GCN1: variants seen among roughly 807,000 people sequenced by gnomAD.
The protein encoded by GCN1 is stalled ribosome sensor GCN1.
GCN1 carries 90 observed loss-of-function variants against 288.4 expected under a neutral mutation model. The observed-to-expected ratio is 0.31, with a 90% CI of 0.26 to 0.37. The LOEUF is 0.37. Among genes scored for constraint, GCN1 ranks in the 10% least tolerant of loss-of-function variants. GCN1 has a pLI of 1.00. For synonymous variants in GCN1, 1,386 were observed against 1,420.2 expected, an observed-to-expected ratio of 0.98 and a Z score of 0.54; for missense variants, 2,586 against 3,419.9, an observed-to-expected ratio of 0.76 and a Z score of 6.08.
chr12:120,134,843 A>G lies in GCN1; in HGVS notation c.7009-117T>C. The stretch of plus-strand genomic sequence containing the variant: ...CCACCACAGCGAGTCCAGCTCTCAT[A>G]CAGGGCTGGGGACAGATAGCCCGTC... On this transcript the variant is annotated intron_variant, in intron 51 of 57. Transcript: ENST00000300648. This position sits in a 1 kb window ranked among gnomAD's most constrained non-coding sequence, Gnocchi z 5.0. 1 of 864,018 alleles carries G rather than the reference A, an allele frequency of 1.2e-6. No individual in the cohort carries two copies. The highest frequency in any genetic ancestry group is 1.9e-6 in the Non-Finnish European group (1 of 536,764). The allele number at this position is 864,018 out of a possible 1,614,324, so 53.5% of individuals were successfully genotyped here.
rs374701506 is a variant in GCN1 at position 120,154,897 on chromosome 12, C to T, written c.3701+73G>A. On this transcript the variant is annotated intron_variant, in intron 31 of 57. Coordinates refer to ENST00000300648, the MANE Select transcript of GCN1 (RefSeq NM_006836.2). Reference sequence around the variant, plus strand: ...CTTTCATTAACCCATGCTGCCTCCTCACAGCACCCACCCAGCCAACCTGCC... The same window carrying T: ...CTTTCATTAACCCATGCTGCCTCCTTACAGCACCCACCCAGCCAACCTGCC... 6 of 1,384,068 alleles carry T rather than the reference C, an allele frequency of 4.3e-6. No homozygotes were observed. In the African/African-American group the frequency reaches 7.1e-5, roughly 16 times the overall value. 85.7% of individuals were successfully genotyped at this position (1,384,068 alleles called of 1,614,324 possible).
In GCN1 at chr12:120,190,224, CAAAAAAAAAAAA is replaced by C; in HGVS notation, c.121+62_121+73del. 9 of 571,246 alleles carry C rather than the reference CAAAAAAAAAAAA, an allele frequency of 1.6e-5. No homozygotes were observed. In the South Asian group the frequency reaches 1.8e-4, roughly 12 times the overall value. The allele number at this position is 571,246 out of a possible 1,614,324, so 35.4% of individuals were successfully genotyped here. ...AGGGCAACAGTGAGAGACTCTGTCT[CAAAAAAAAAAAA>C]AAAAAAGAAAGAAAGAAAAACAATG... On this transcript the variant is annotated intron_variant, in intron 2 of 57. Coordinates refer to ENST00000300648, the MANE Select transcript of GCN1 (RefSeq NM_006836.2).
In GCN1 at chr12:120,134,330, GT is replaced by G; in HGVS notation, c.7277del (p.Asn2426ThrfsTer7). ...GAKVDAVIRK[N>X]IVSLLLSMLG... ...GCATGCTCAGCAGGAGTGAGACGAT[GT>G]TTTTCCGGATGACGGCATCCACTTT... On this transcript the variant is annotated frameshift_variant, in exon 53 of 58. Transcript: ENST00000300648. LOFTEE classifies it high-confidence loss of function. The surrounding 1 kb of genome is among the most constrained non-coding windows in gnomAD (Gnocchi z 5.0). The G allele has an allele frequency of 6.2e-7, 1 of 1,614,060 alleles. No individual in the cohort carries two copies.
chr12:120,144,435 T>C lies in GCN1; in HGVS notation c.5366A>G (p.Glu1789Gly). 1 of 1,613,576 alleles carries C rather than the reference T, an allele frequency of 6.2e-7. No individual in the cohort carries two copies. The highest frequency in any genetic ancestry group is 8.5e-7 in the Non-Finnish European group (1 of 1,179,626). ...GGCGGTGTCACGCACAAACTCATTCTCATCAGCAAGAGCCTGGGCACACAG... is the reference window on the plus strand; with the variant it reads ...GGCGGTGTCACGCACAAACTCATTCCCATCAGCAAGAGCCTGGGCACACAG... ...IPCILKALAD[E>G]NEFVRDTALR... Residue 1789 changes from glutamate (E) to glycine (G), a missense_variant, in exon 42 of 58, where the codon GAG becomes GGG. Physicochemically the swap from Glu to Gly is moderately conservative, Grantham distance 98. Coordinates refer to ENST00000300648, the MANE Select transcript of GCN1 (RefSeq NM_006836.2). The surrounding 1 kb of genome is among the most constrained non-coding windows in gnomAD (Gnocchi z 4.7).
chr12:120,137,617 C>G lies in GCN1; in HGVS notation c.6591G>C (p.Leu2197=), dbSNP rs926472268. 6.2e-7 allele frequency: 1 copy of G among 1,614,214 alleles called. No homozygotes were observed. Among genetic ancestry groups the G allele is most frequent in the Admixed American group, 1.7e-5 (1 of 60,014 alleles). Residue 2197 remains leucine (L), a synonymous_variant, in exon 49 of 58, where the codon CTG becomes CTC. Transcript: ENST00000300648. This position sits in a 1 kb window ranked among gnomAD's most constrained non-coding sequence, Gnocchi z 5.2. ...GGCTGGAGTCATTGAAGAGGCGGAT[C>G]AGGCCCGAGACCAGGCTCCGCAGGT... ...TSHLRSLVSG[L]IRLFNDSSPV...
At position 120,161,898 on chromosome 12, in the gene GCN1, T is replaced by C; in HGVS notation, c.2324A>G (p.Asp775Gly). Reference protein sequence around the residue: ...IMQTPAGELYDKSIIQSAQQD... With the variant: ...IMQTPAGELYGKSIIQSAQQD... ...GTCTCACCTCTGAATGATGGATTTG[T>C]CATACAGCTCCCCAGCAGGGGTCTG... The change falls in exon 21 of 58, where the codon GAC becomes GGC. Residue 775 changes from aspartate (D) to glycine (G), a missense_variant. Around this residue, in one of 8 missense-constraint regions of GCN1, gnomAD observed 913 missense variants for 1,107.0 expected, o/e 0.82. Coordinates refer to ENST00000300648, the MANE Select transcript of GCN1 (RefSeq NM_006836.2). The C allele has an allele frequency of 6.2e-7, 1 of 1,614,086 alleles. No homozygotes were observed. Among genetic ancestry groups the C allele is most frequent in the South Asian group, 1.1e-5 (1 of 91,072 alleles).
intron 45 of GCN1, 62 bp from the exon 46 acceptor site, chr12:120,138,918 C>G: frequency 6.8e-7 from 1 of 1,469,812 alleles, no homozygotes. Flanking sequence ...CAGAAGCAGA[C>G]AAGAAGCACA....
chr12:120,170,980 T>C (rs1268605713), intron 14 of GCN1, among the ~76,000 whole-genome samples: 2 of 147,158 alleles, frequency 1.4e-5, no homozygotes, highest in Admixed American at 6.8e-5. Context: ...ACCAATATGG[T>C]GAAACCCTGT....
chr12:120,139,070 G>A, intron 45 of GCN1: 2 of 371,414 alleles, frequency 5.4e-6, no homozygotes, highest in Non-Finnish European at 9.8e-6. Flanking sequence ...AGCACTTTGG[G>A]AGGCCAAGGT....
intron 33 of GCN1, among the ~76,000 whole-genome samples, chr12:120,152,327 C>A (rs1339785442): frequency 1.3e-5 from 2 of 150,260 alleles, no homozygotes; most frequent in African/African-American, 4.9e-5. Flanking sequence ...CCACGCCCAG[C>A]CCAACTGTTC....
chr12:120,137,589 C>T lies in GCN1; in HGVS notation c.6619G>A (p.Val2207Met). The change falls in exon 49 of 58, where the codon GTG becomes ATG. Residue 2207 changes from valine (V) to methionine (M), a missense_variant. Coordinates refer to ENST00000300648, the MANE Select transcript of GCN1 (RefSeq NM_006836.2). This position sits in a 1 kb window ranked among gnomAD's most constrained non-coding sequence, Gnocchi z 5.2. ...LIRLFNDSSP[V>M]VLEESWDALN... ...GCATCCCAGCTCTCCTCCAGAACCA[C>T]AGGGCTGGAGTCATTGAAGAGGCGG... 6.2e-7 allele frequency: 1 copy of T among 1,614,116 alleles called. No individual in the cohort carries two copies. The highest frequency in any genetic ancestry group is 8.5e-7 in the Non-Finnish European group (1 of 1,179,962).
chr12:120,169,900 T>A (rs1331077077), intron 15 of GCN1, among the ~76,000 whole-genome samples: 3 of 152,112 alleles, frequency 2.0e-5, no homozygotes, highest in African/African-American at 7.2e-5. Context: ...AAACAAACAG[T>A]CCCAATACTA....
rs7135057 is a variant in GCN1, at chr12:120,137,596, G to A, written c.6612C>T (p.Ser2204=). The part of the protein sequence containing the change: ...VSGLIRLFND[S]SPVVLEESWD... ...AGCTCTCCTCCAGAACCACAGGGCT[G>A]GAGTCATTGAAGAGGCGGATCAGGC... Residue 2204 remains serine, a synonymous_variant, in exon 49 of 58, where the codon TCC becomes TCT. Transcript: ENST00000300648. This position sits in a 1 kb window ranked among gnomAD's most constrained non-coding sequence, Gnocchi z 5.2. 3,624 of 1,614,196 alleles carry A rather than the reference G, an allele frequency of 2.2e-3. 58 individuals carry two copies. In the African/African-American group the frequency reaches 0.042, roughly 19 times the overall value.
Position 120,156,362 on chromosome 12 carries a change from C to T in GCN1, c.3312+99G>A. ...TTCTTCTCTTTGCCTCTAGGCCTCCCACCAGAGTGAGGGACATTCTCTCAA... is the reference window on the plus strand; with the variant it reads ...TTCTTCTCTTTGCCTCTAGGCCTCCTACCAGAGTGAGGGACATTCTCTCAA... On this transcript the variant is annotated intron_variant, in intron 28 of 57. Coordinates refer to ENST00000300648, the MANE Select transcript of GCN1 (RefSeq NM_006836.2). This position sits in a 1 kb window ranked among gnomAD's most constrained non-coding sequence, Gnocchi z 5.8. 8.1e-7 allele frequency: 1 copy of T among 1,236,066 alleles called. No homozygotes were observed. The highest frequency in any genetic ancestry group is 1.2e-6 in the Non-Finnish European group (1 of 866,130). 76.6% of individuals were successfully genotyped at this position (1,236,066 alleles called of 1,614,324 possible). A position where few individuals can be genotyped will look rare whatever the true frequency, so the allele number is the denominator to read the frequency against.
chr12:120,144,260 G>A lies in GCN1; in HGVS notation c.5495+46C>T, dbSNP rs555281630. ...CAGAGTGCTCGGATTATAGGCATGA[G>A]CCACCACGCATCATCCCCACTGGGT... On this transcript the variant is annotated intron_variant, in intron 42 of 57. Coordinates refer to ENST00000300648, the MANE Select transcript of GCN1 (RefSeq NM_006836.2). The surrounding 1 kb of genome is among the most constrained non-coding windows in gnomAD (Gnocchi z 4.7). 187 of 1,606,482 alleles carry A rather than the reference G, an allele frequency of 1.2e-4. 1 individual carries two copies. In the South Asian group the frequency reaches 2.0e-3, roughly 17 times the overall value.
chr12:120,136,626 G>A lies in GCN1; in HGVS notation c.6884C>T (p.Ser2295Leu), dbSNP rs771890293. The A allele has an allele frequency of 1.5e-5, 24 of 1,614,020 alleles. No homozygotes were observed. Among genetic ancestry groups the A allele is most frequent in the East Asian group, 4.5e-5 (2 of 44,892 alleles). The change falls in exon 51 of 58, where the codon TCG becomes TTG. Residue 2295 changes from serine (S) to leucine (L), a missense_variant. By Grantham distance (145) the Ser-to-Leu change is moderately radical. Coordinates refer to ENST00000300648, the MANE Select transcript of GCN1 (RefSeq NM_006836.2). Reference sequence around the variant, plus strand: ...CACGGAGGGCCTCAGGGCGTCAGCCGAGGTCAGGCGGATTACCAAGCCTAA... The same window carrying A: ...CACGGAGGGCCTCAGGGCGTCAGCCAAGGTCAGGCGGATTACCAAGCCTAA... ...KALGLVIRLT[S>L]ADALRPSVVS...
At chr12:120,157,081 G>T in intron 26 of GCN1, 89 bp from the exon 27 acceptor site, 1 of 809,800 alleles carries the variant, frequency 1.2e-6, no homozygotes, top group Non-Finnish European at 2.1e-6. Flanking sequence ...CTCACCCACG[G>T]GGGAACATTC....
Position 120,176,920 on chromosome 12 carries a change from C to A in GCN1, c.838+527G>T, listed in dbSNP as rs180697904. Among the ~76,000 whole-genome samples the A allele has an allele frequency of 3.0e-3, 461 of 152,234 alleles. 4 individuals carry two copies. Among genetic ancestry groups the A allele is most frequent in the African/African-American group, 0.011 (447 of 41,528 alleles). ...TAGCTAGGACTACAGGCATGTGCCA[C>A]CACGCCTAATTTTTTTCGTATTTTT... On this transcript the variant is annotated intron_variant, in intron 9 of 57. Coordinates refer to ENST00000300648, the MANE Select transcript of GCN1 (RefSeq NM_006836.2).
At chr12:120,139,322 A>T (rs188855930) in intron 45 of GCN1, among the ~76,000 whole-genome samples, 67 of 151,116 alleles carry the variant, frequency 4.4e-4, no homozygotes, top group Middle Eastern at 3.6e-3. Context: ...TAAAAATTTT[A>T]AAAAAATTAA....
Sources: allele counts gnomAD v4.1 joint callset (sites outside exome capture counted in the v4.1 genomes callset), GRCh38; gene constraint gnomAD v4.1.1; regional missense constraint gnomAD v4.1.1; non-coding constraint Gnocchi (gnomAD v3.1); transcripts MANE v1.5; gene names NCBI Gene and HGNC (gene_info 2026-07-23, HGNC 2026-07-21).